INTS7: variants seen among roughly 807,000 people sequenced by gnomAD.
The protein encoded by INTS7 is integrator complex subunit 7.
In INTS7, 46 loss-of-function variants were observed where a neutral mutation model predicts 109.2. The observed-to-expected ratio is 0.42, with a 90% CI of 0.33 to 0.54. INTS7 has a LOEUF of 0.54. Ranked by LOEUF, INTS7 falls within the 20% of genes least tolerant of loss-of-function variation. The pLI is 0.07. For missense variants in INTS7, 929 were observed against 1,132.4 expected (o/e 0.82, Z 2.58); for synonymous variants, 412 against 402.9 (o/e 1.02, Z -0.27).
At chr1:212,028,370 G>A (rs1667017918) in intron 1 of INTS7, among the ~76,000 whole-genome samples, 1 of 152,194 alleles carries the variant, frequency 6.6e-6, no homozygotes, top group South Asian at 2.1e-4. Context: ...TACTGAAGAA[G>A]GTAGAAGTGT....
At chr1:211,953,556 C>T (rs1663214971) in intron 16 of INTS7, among the ~76,000 whole-genome samples, 2 of 109,932 alleles carry the variant, frequency 1.8e-5, no homozygotes, top group South Asian at 7.7e-4. Context: ...CCCCCTCCCC[C>T]CACCCCACAA....
intron 16 of INTS7, among the ~76,000 whole-genome samples, chr1:211,958,819 T>C (rs1663478575): frequency 6.6e-6 from 1 of 151,882 alleles, no homozygotes; most frequent in African/African-American, 2.4e-5. Context: ...AAATTATAGA[T>C]AGTGTAAATG....
At chr1:211,944,432 C>T (rs1662761730) in intron 19 of INTS7, among the ~76,000 whole-genome samples, 1 of 152,132 alleles carries the variant, frequency 6.6e-6, no homozygotes, top group African/African-American at 2.4e-5. Context: ...TTTATAGGGG[C>T]AGGCTCCCAT....
At chr1:212,001,615 C>G (rs543921799) in intron 7 of INTS7, among the ~76,000 whole-genome samples, 2 of 152,310 alleles carry the variant, frequency 1.3e-5, no homozygotes, top group East Asian at 3.9e-4. Flanking sequence ...AAATCTCCCT[C>G]CTGTTTTCCT....
intron 1 of INTS7, among the ~76,000 whole-genome samples, chr1:212,028,093 C>T (rs1667008615): frequency 6.6e-6 from 1 of 152,200 alleles, no homozygotes; most frequent in Admixed American, 6.5e-5. Flanking sequence ...TCCCAAAGTA[C>T]TAGGATTCCA....
intron 10 of INTS7, among the ~76,000 whole-genome samples, chr1:211,979,125 A>G (rs1664542379): frequency 6.6e-6 from 1 of 152,242 alleles, no homozygotes; most frequent in African/African-American, 2.4e-5. Flanking sequence ...CAGCCAAAAA[A>G]CTAGAAACCT....
At chr1:212,024,362 T>C (rs1666830469) in intron 1 of INTS7, among the ~76,000 whole-genome samples, 1 of 152,192 alleles carries the variant, frequency 6.6e-6, no homozygotes, top group Admixed American at 6.5e-5. Context: ...TCCATTTGTG[T>C]CACCTAAGAT....
chr1:212,020,988 T>G, intron 2 of INTS7, 95 bp downstream of exon 2: 1 of 1,126,174 alleles, frequency 8.9e-7, no homozygotes, highest in Non-Finnish European at 1.3e-6. Context: ...ACTAACCAGG[T>G]GGAAGTACTA....
chr1:211,954,885 T>G (rs1368226768), intron 16 of INTS7, among the ~76,000 whole-genome samples: 2 of 152,216 alleles, frequency 1.3e-5, no homozygotes, highest in Non-Finnish European at 2.9e-5. Context: ...TGTGGGCTCT[T>G]TTTTGGTTCC....
chr1:212,032,492 T>C (rs369603369), intron 1 of INTS7, among the ~76,000 whole-genome samples: 1 of 152,132 alleles, frequency 6.6e-6, no homozygotes, highest in East Asian at 1.9e-4. Context: ...TCTTTTTTTT[T>C]TTTCGAGACA....
Position 211,997,216 on chromosome 1 carries a change from A to G in INTS7, c.880-9213T>C, listed in dbSNP as rs112273018. Among the ~76,000 whole-genome samples, 1,003 of 151,862 alleles carry G rather than the reference A, an allele frequency of 6.6e-3. 4 individuals carry two copies. Among genetic ancestry groups the G allele is most frequent in the Non-Finnish European group, 0.011 (751 of 67,950 alleles). ...GGAAAAAACAAAACAAAACAAAAAT[A>G]CCACTGATGAGAAACTGAAGAAGAG... is the stretch of plus-strand genomic sequence containing the variant. On this transcript the variant is annotated intron_variant, in intron 7 of 19. Transcript: ENST00000366994.
At chr1:211,994,570 C>G (rs1009119694) in intron 7 of INTS7, among the ~76,000 whole-genome samples, 1 of 151,422 alleles carries the variant, frequency 6.6e-6, no homozygotes, top group African/African-American at 2.4e-5. Context: ...ATTACAGGTG[C>G]GTACCACCAC....
chr1:212,020,735 TCA>T, intron 2 of INTS7: 1 of 1,018,046 alleles, frequency 9.8e-7, no homozygotes, highest in East Asian at 9.6e-5. Flanking sequence ...TTCAGGTACT[TCA>T]CAGACATGCA....
chr1:211,964,773 A>G (rs535824426), intron 16 of INTS7, among the ~76,000 whole-genome samples: 2 of 152,352 alleles, frequency 1.3e-5, no homozygotes, highest in South Asian at 4.1e-4. Flanking sequence ...TCATATGCAG[A>G]AGATGGAAAC....
At chr1:212,020,315 A>G in intron 2 of INTS7, 47 bp from the exon 3 acceptor site, 1 of 1,164,054 alleles carries the variant, frequency 8.6e-7, no homozygotes, top group Non-Finnish European at 1.2e-6. Context: ...AGTAATATTT[A>G]ATTAGGAACC....
chr1:211,989,588 G>A (rs147753724), intron 7 of INTS7, among the ~76,000 whole-genome samples: 1,649 of 152,084 alleles, frequency 0.011, 29 homozygotes, highest in African/African-American at 0.037. Context: ...TTGGGAGGCC[G>A]AGGCAGGAGG....
In INTS7 at chr1:211,942,005, T is replaced by A. The variant is rs917383584; in HGVS notation, c.2708A>T (p.Asn903Ile). 2 of 1,614,182 alleles carry A rather than the reference T, an allele frequency of 1.2e-6. No homozygotes were observed. Among genetic ancestry groups the A allele is most frequent in the South Asian group, 2.2e-5 (2 of 91,080 alleles). ...TTTCACAGAAGATTCCACTGTAATG[T>A]TGTGTGTTCCAAGGATAGCAAAGTT... Reference protein sequence around the residue: ...LLNFAILGTHNITVESSVKDA... With the variant: ...LLNFAILGTHIITVESSVKDA... Residue 903 changes from asparagine to isoleucine, a missense_variant, in exon 20 of 20, where the codon AAC (asparagine) becomes ATC (isoleucine). This residue lies in a region of INTS7 where 787 missense variants were observed against 901.1 expected (regional missense o/e 0.87). Coordinates refer to ENST00000366994, the MANE Select transcript of INTS7 (RefSeq NM_015434.4). This position sits in a 1 kb window ranked among gnomAD's most constrained non-coding sequence, Gnocchi z 4.2.
At chr1:211,974,543 C>A (rs1558034224) in intron 13 of INTS7, among the ~76,000 whole-genome samples, 1 of 151,724 alleles carries the variant, frequency 6.6e-6, no homozygotes, top group Non-Finnish European at 1.5e-5. Context: ...TATATAACTT[C>A]TTTACTTTTA....
intron 1 of INTS7, 107 bp downstream of exon 1, chr1:212,035,237 G>A (rs942614317): frequency 1.6e-5 from 12 of 772,272 alleles, no homozygotes; most frequent in East Asian, 2.6e-5. Flanking sequence ...CCCGCCCAGC[G>A]AAGACATGCG....
Sources: gnomAD v4.1 joint callset for allele counts (sites outside exome capture counted in the v4.1 genomes callset) on GRCh38, gnomAD v4.1.1 for gene constraint, gnomAD v4.1.1 regional missense constraint, Gnocchi (gnomAD v3.1) non-coding constraint, MANE v1.5 for transcripts, NCBI Gene and HGNC (gene_info 2026-07-23, HGNC 2026-07-21) for gene names.